DZANK1: variants seen among roughly 807,000 people sequenced by gnomAD.
DZANK1 encodes double zinc ribbon and ankyrin repeat domains 1.
In DZANK1, 91 loss-of-function variants were observed where a neutral mutation model predicts 94.5. That is an observed-to-expected ratio of 0.96 (90% CI 0.81 to 1.15). The LOEUF is 1.15. Among genes scored for constraint, DZANK1 ranks in the 50% most tolerant of loss-of-function variants. The probability of loss-of-function intolerance (pLI) is 0.00; values close to 1 mark genes in which losing one functional copy is unlikely to be tolerated. For synonymous variants in DZANK1, 312 were observed against 325.3 expected (o/e 0.96, Z 0.44); for missense variants, 903 against 916.4 (o/e 0.99, Z 0.19).
chr20:18,419,786 G>C (rs1294493013), intron 10 of DZANK1, among the ~76,000 whole-genome samples: 5 of 151,838 alleles, frequency 3.3e-5, no homozygotes, highest in Admixed American at 3.3e-4. Flanking sequence ...AAGTGATAAA[G>C]GGAGTTCCTC....
Position 18,430,099 on chromosome 20 carries a change from AGAG to A in DZANK1, c.862-2943_862-2941del, listed in dbSNP as rs199934461. On this transcript the variant is annotated intron_variant, in intron 9 of 20. Coordinates refer to ENST00000262547, the Ensembl canonical transcript of DZANK1. ...AACTTTTCCTTTTAAAATAGTTGGA[AGAG>A]GAGAACAATTTTCAAACTCCCAAGT... Among the ~76,000 whole-genome samples, 362 of 152,360 alleles carry A rather than the reference AGAG, an allele frequency of 2.4e-3. 5 individuals carry two copies. The highest frequency in any genetic ancestry group is 0.02 in the Admixed American group (305 of 15,304).
At chr20:18,394,749 G>A (rs766258153) in intron 15 of DZANK1, 2 of 462,070 alleles carry the variant, frequency 4.3e-6, no homozygotes, top group South Asian at 3.1e-5. Flanking sequence ...AGGGTGTCAT[G>A]ATGGGAAGGT....
chr20:18,453,028 T>A, intron 5 of DZANK1, among the ~76,000 whole-genome samples: 1 of 152,164 alleles, frequency 6.6e-6, no homozygotes, highest in South Asian at 2.1e-4. Flanking sequence ...TAGCAGGAAA[T>A]ATTATATCTC....
In DZANK1 at chr20:18,398,590, T is replaced by A. The variant is rs201365109; in HGVS notation, c.1469A>T (p.His490Leu). The A allele has an allele frequency of 3.1e-6, 5 of 1,613,826 alleles. No individual in the cohort carries two copies. In the Admixed American group the frequency reaches 5.0e-5, roughly 16 times the overall value. Reference sequence around the variant, plus strand: ...GTTGTTCTGAGCATAACACCTGAGGTGAGCAGAGATGTGATCCAGCTGTCT... The same window carrying A: ...GTTGTTCTGAGCATAACACCTGAGGAGAGCAGAGATGTGATCCAGCTGTCT... The change falls in exon 14 of 21, where the codon CAC (histidine) becomes CTC (leucine). Residue 490 changes from histidine to leucine, a missense_variant. His to Leu is a moderately conservative substitution (Grantham distance 99). Transcript: ENST00000262547.
rs374873788 is a variant in DZANK1, at chr20:18,383,639, G to T, written c.*760C>A. 3.9e-5 allele frequency: 6 copies of T among 152,148 alleles called. No individual in the cohort carries two copies. The East Asian group carries it at 1.2e-3, about 29-fold the overall frequency. The allele number at this position is 152,148 out of a possible 1,614,324, so 9.4% of individuals were successfully genotyped here. ...ATGCTATGTGTACTCCTCTGTACATGTGCTTATACCACATGTATGTGCATA... is the reference window on the plus strand; with the variant it reads ...ATGCTATGTGTACTCCTCTGTACATTTGCTTATACCACATGTATGTGCATA... On this transcript the variant is annotated 3_prime_UTR_variant, in exon 21 of 21. Transcript: ENST00000262547.
chr20:18,389,348 A>G (rs2424182), intron 19 of DZANK1, among the ~76,000 whole-genome samples: 150,961 of 152,282 alleles, frequency 0.99, 74,830 homozygotes, highest in East Asian at 1. Flanking sequence ...GGAATACACT[A>G]AGGTCTGTCT....
At position 18,452,743 on chromosome 20, in the gene DZANK1, C is replaced by A. The variant is rs551334429; in HGVS notation, c.476-61G>T. ...GTTCTTTCACCTACCTGGACGTCTA[C>A]AATGATATTAAAAACATTATTCTTT... On this transcript the variant is annotated intron_variant, in intron 5 of 20. Coordinates refer to ENST00000262547, the Ensembl canonical transcript of DZANK1. 3 of 1,555,424 alleles carry A rather than the reference C, an allele frequency of 1.9e-6. No individual in the cohort carries two copies. Among genetic ancestry groups the A allele is most frequent in the African/African-American group, 2.7e-5 (2 of 72,912 alleles).
At position 18,448,380 on chromosome 20, in the gene DZANK1, G is replaced by A. The variant is rs1247160884; in HGVS notation, c.629+604C>T. ...AGAAATCAATAATTGCCTGTGATGA[G>A]CGGGGGTAAAAGGAAGGGGTTACCA... On this transcript the variant is annotated intron_variant, in intron 7 of 20. Transcript: ENST00000262547. 2.6e-5 allele frequency among the ~76,000 whole-genome samples: 4 copies of A among 152,126 alleles called. No homozygotes were observed. The East Asian group carries it at 5.8e-4, about 22-fold the overall frequency.
intron 6 of DZANK1, among the ~76,000 whole-genome samples, chr20:18,450,679 G>A (rs2059066924): frequency 6.6e-6 from 1 of 152,194 alleles, no homozygotes; most frequent in Non-Finnish European, 1.5e-5. Flanking sequence ...CTTTATACTT[G>A]ATGGTAAGTG....
At chr20:18,402,154 C>T (rs1453976606) in intron 13 of DZANK1, among the ~76,000 whole-genome samples, 1 of 152,084 alleles carries the variant, frequency 6.6e-6, no homozygotes, top group Non-Finnish European at 1.5e-5. Flanking sequence ...GAGTAGGTAG[C>T]TAGGGAGACA....
At chr20:18,438,319 C>T (rs2148659083) in intron 8 of DZANK1, among the ~76,000 whole-genome samples, 1 of 150,968 alleles carries the variant, frequency 6.6e-6, no homozygotes, top group East Asian at 1.9e-4. Flanking sequence ...AGCAAAATGG[C>T]ATATGTAAAT....
chr20:18,415,625 A>G (rs1014428755), intron 10 of DZANK1, among the ~76,000 whole-genome samples, 176 bp from the exon 11 acceptor site: 1 of 152,174 alleles, frequency 6.6e-6, no homozygotes. Context: ...AGTTTCACCA[A>G]TTAATAAATT....
At chr20:18,396,420 A>C in intron 15 of DZANK1, 52 bp downstream of exon 15, 1 of 1,418,620 alleles carries the variant, frequency 7.0e-7, no homozygotes, top group South Asian at 1.2e-5. Context: ...AAATTGTCTC[A>C]ATTTACTAAT....
chr20:18,409,905 T>C (rs893777196), intron 13 of DZANK1, among the ~76,000 whole-genome samples: 6 of 151,644 alleles, frequency 4.0e-5, no homozygotes, highest in African/African-American at 1.5e-4. Flanking sequence ...CTGTCTCTAC[T>C]AAAAACACAA....
At chr20:18,413,094 C>T (rs2057333986) in intron 12 of DZANK1, 8 of 558,700 alleles carry the variant, frequency 1.4e-5, no homozygotes, top group South Asian at 4.8e-5. Context: ...GGGTGTTTGC[C>T]GGCCTGCTTG....
intron 10 of DZANK1, among the ~76,000 whole-genome samples, chr20:18,418,111 A>G (rs1280400753): frequency 1.3e-5 from 2 of 152,102 alleles, no homozygotes; most frequent in African/African-American, 4.8e-5. Flanking sequence ...CTGATAATAC[A>G]TGAAGGCAGT....
At chr20:18,425,586 T>C (rs2058003225) in intron 10 of DZANK1, among the ~76,000 whole-genome samples, 1 of 151,226 alleles carries the variant, frequency 6.6e-6, no homozygotes, top group South Asian at 2.1e-4. Context: ...CCAACTCCAC[T>C]GCTATAGGTT....
At chr20:18,390,763 G>C (rs1435847971) in intron 17 of DZANK1, among the ~76,000 whole-genome samples, 1 of 152,150 alleles carries the variant, frequency 6.6e-6, no homozygotes, top group Non-Finnish European at 1.5e-5. Flanking sequence ...ATTATGACTA[G>C]AGCTCTAGGA....
At chr20:18,424,530 G>A (rs2208280) in intron 10 of DZANK1, among the ~76,000 whole-genome samples, 5,566 of 151,830 alleles carry the variant, frequency 0.037, 268 homozygotes, top group African/African-American at 0.12. Flanking sequence ...TGTTGGAGAT[G>A]ATGCAGAGAA....
Sources: gnomAD v4.1 joint callset for allele counts (sites outside exome capture counted in the v4.1 genomes callset) on GRCh38, gnomAD v4.1.1 for gene constraint, MANE v1.5 for transcripts, NCBI Gene and HGNC (gene_info 2026-07-23, HGNC 2026-07-21) for gene names.